The following CCDC7 variants were observed in gnomAD, a reference collection of about 807,000 sequenced individuals.
CCDC7 encodes the protein coiled-coil domain-containing protein 7.
In CCDC7, 183 loss-of-function variants were observed where a neutral mutation model predicts 196.9. The observed-to-expected ratio is 0.93, with a 90% CI of 0.82 to 1.05. The LOEUF (loss-of-function observed/expected upper bound fraction) is 1.05. CCDC7 is among the 50% of genes least tolerant of loss of function. The pLI is 0.00. For missense variants in CCDC7, 1,540 were observed against 1,482.2 expected (o/e 1.04, Z -0.64); for synonymous variants, 525 against 484.6 (o/e 1.08, Z -1.10).
intron 24 of CCDC7, among the ~76,000 whole-genome samples, chr10:32,708,986 A>G (rs1216285828): frequency 2.0e-5 from 3 of 152,204 alleles, no homozygotes; most frequent in Admixed American, 6.5e-5. Context: ...TACCCAAAGG[A>G]TTATAAATCA....
intron 24 of CCDC7, among the ~76,000 whole-genome samples, chr10:32,699,274 A>G (rs911835213): frequency 2.2e-5 from 3 of 136,212 alleles, no homozygotes; most frequent in East Asian, 2.2e-4. Flanking sequence ...TCATTGTTCA[A>G]TTCCCACCTA....
chr10:32,700,635 T>A (rs2078541423), intron 24 of CCDC7, among the ~76,000 whole-genome samples: 1 of 152,202 alleles, frequency 6.6e-6, no homozygotes, highest in South Asian at 2.1e-4. Context: ...AATCTATAAA[T>A]TACCTTGGGG....
intron 21 of CCDC7, among the ~76,000 whole-genome samples, chr10:32,685,511 A>T (rs1443711547): frequency 1.3e-5 from 2 of 152,170 alleles, no homozygotes; most frequent in African/African-American, 4.8e-5. Flanking sequence ...AGAAGCAGAA[A>T]CTAAGAATCC....
chr10:32,794,177 G>T (rs1186855617), intron 29 of CCDC7, among the ~76,000 whole-genome samples: 2 of 152,166 alleles, frequency 1.3e-5, no homozygotes, highest in Non-Finnish European at 2.9e-5. Context: ...CCACATTGCA[G>T]TATTTGGTTT....
intron 29 of CCDC7, among the ~76,000 whole-genome samples, chr10:32,785,224 T>C (rs2081652762): frequency 6.6e-6 from 1 of 152,132 alleles, no homozygotes; most frequent in African/African-American, 2.4e-5. Context: ...CATGCAAAAA[T>C]TGACTACATA....
intron 18 of CCDC7, among the ~76,000 whole-genome samples, chr10:32,616,498 A>G (rs117759750): frequency 0.012 from 1,733 of 150,688 alleles, 11 homozygotes; most frequent in Middle Eastern, 0.024. Context: ...TGATTTCTGT[A>G]TATTAATTTT....
At chr10:32,845,181 C>CA in intron 33 of CCDC7, 62 bp from the exon 35 acceptor site, 1 of 967,492 alleles carries the variant, frequency 1.0e-6, no homozygotes. Flanking sequence ...AACACATACA[C>CA]ATACTCAGAT....
At chr10:32,753,647 T>C (rs916215681) in intron 28 of CCDC7, among the ~76,000 whole-genome samples, 4 of 152,154 alleles carry the variant, frequency 2.6e-5, no homozygotes, top group African/African-American at 9.6e-5. Context: ...AAGTATATAA[T>C]GAGATAGTTT....
chr10:32,549,220 A>G (rs554248145), intron 13 of CCDC7, among the ~76,000 whole-genome samples: 2 of 152,188 alleles, frequency 1.3e-5, no homozygotes, highest in East Asian at 3.9e-4. Flanking sequence ...TCTTTTGAGA[A>G]TTGTCTATTC....
At chr10:32,500,410 G>T (rs2043773138) in intron 9 of CCDC7, among the ~76,000 whole-genome samples, 1 of 151,100 alleles carries the variant, frequency 6.6e-6, no homozygotes, top group Non-Finnish European at 1.5e-5. Flanking sequence ...TCCCAGACGG[G>T]GTCACGGCCA....
intron 21 of CCDC7, among the ~76,000 whole-genome samples, chr10:32,681,150 C>T (rs896571730): frequency 6.6e-6 from 1 of 152,180 alleles, no homozygotes; most frequent in African/African-American, 2.4e-5. Flanking sequence ...TACTTTTTTT[C>T]ATCACTCTCT....
chr10:32,589,945 C>A (rs2059630978), intron 18 of CCDC7, among the ~76,000 whole-genome samples: 1 of 151,838 alleles, frequency 6.6e-6, no homozygotes, highest in Non-Finnish European at 1.5e-5. Context: ...CTATGCATAT[C>A]CTTATAGGTG....
chr10:32,565,604 T>C, exon 14 of CCDC7: 1 of 1,609,868 alleles, frequency 6.2e-7, no homozygotes. Flanking sequence ...CAGGAGCAAT[T>C]GAAACAGGCT....
chr10:32,699,702 C>A (rs1294514116), intron 24 of CCDC7, among the ~76,000 whole-genome samples: 1 of 149,356 alleles, frequency 6.7e-6, no homozygotes, highest in South Asian at 2.1e-4. Flanking sequence ...TCTATACATC[C>A]TCTCCAGCAC....
At chr10:32,644,213 T>C (rs2067353701) in intron 20 of CCDC7, among the ~76,000 whole-genome samples, 1 of 152,150 alleles carries the variant, frequency 6.6e-6, no homozygotes, top group South Asian at 2.1e-4. Flanking sequence ...ACATTCAAAA[T>C]CTTCTTGTCT....
At chr10:32,579,627 TA>T (rs966356764) in intron 16 of CCDC7, among the ~76,000 whole-genome samples, 3 of 152,166 alleles carry the variant, frequency 2.0e-5, no homozygotes, top group African/African-American at 7.2e-5. Flanking sequence ...ATTTATTACA[TA>T]AAAAGGATGC....
chr10:32,751,365 G>A (rs967614954), intron 28 of CCDC7, among the ~76,000 whole-genome samples: 1 of 151,870 alleles, frequency 6.6e-6, no homozygotes, highest in South Asian at 2.1e-4. Flanking sequence ...TCTCTGTGTC[G>A]ATTTATTTAA....
rs1245308020 is a variant in CCDC7 at position 32,771,312 on chromosome 10, C to T, written c.2906-7665C>T. 3.3e-5 allele frequency among the ~76,000 whole-genome samples: 5 copies of T among 152,194 alleles called. No homozygotes were observed. The East Asian group carries it at 9.6e-4, about 29-fold the overall frequency. On this transcript the variant is annotated intron_variant, in intron 28 of 41. Coordinates refer to ENST00000639629, the Ensembl canonical transcript of CCDC7. ...TTGTCTGAAAATGACTTTATTTCTTCTTCATTTATAAAACTTAGTTTTGCA... is the reference window on the plus strand; with the variant it reads ...TTGTCTGAAAATGACTTTATTTCTTTTTCATTTATAAAACTTAGTTTTGCA...
intron 3 of CCDC7, among the ~76,000 whole-genome samples, chr10:32,456,972 G>C (rs1412924): frequency 0.84 from 126,749 of 151,648 alleles, 53,554 homozygotes; most frequent in Non-Finnish European, 0.9. Context: ...TATTCATCAC[G>C]TCAAACACCT....
Sources: allele counts gnomAD v4.1 joint callset (sites outside exome capture counted in the v4.1 genomes callset), GRCh38; gene constraint gnomAD v4.1.1; transcripts MANE v1.5; gene names NCBI Gene and HGNC (gene_info 2026-07-23, HGNC 2026-07-21).